PTPRD: variants seen among roughly 807,000 people sequenced by gnomAD.
PTPRD encodes the protein protein tyrosine phosphatase receptor type D.
A neutral mutation model predicts 214.5 loss-of-function variants in PTPRD; 34 were observed. That is an observed-to-expected ratio of 0.16 (90% CI 0.12 to 0.21). The LOEUF (loss-of-function observed/expected upper bound fraction) is 0.21, where lower values mean the gene tolerates loss of function less well. Among genes scored for constraint, PTPRD ranks in the 10% least tolerant of loss-of-function variants. The pLI is 1.00. For missense variants in PTPRD, 2,545 were observed against 2,398.7 expected, an observed-to-expected ratio of 1.06 and a Z score of -1.27; for synonymous variants, 1,128 against 845.7, an observed-to-expected ratio of 1.33 and a Z score of -5.79.
chr9:8,779,700 A>G (rs2095619372), intron 11 of PTPRD, among the ~76,000 whole-genome samples: 1 of 151,944 alleles, frequency 6.6e-6, no homozygotes, highest in African/African-American at 2.4e-5. Context: ...ACAAGCTTCT[A>G]TGCCTCAGGC....
At chr9:9,874,371 T>A (rs1328180203) in intron 5 of PTPRD, among the ~76,000 whole-genome samples, 7 of 152,112 alleles carry the variant, frequency 4.6e-5, no homozygotes, top group Admixed American at 4.6e-4. Context: ...ATCAACTACA[T>A]TACATGAGTG....
intron 3 of PTPRD, among the ~76,000 whole-genome samples, chr9:10,091,518 T>A (rs2098430423): frequency 6.6e-6 from 1 of 151,516 alleles, no homozygotes; most frequent in African/African-American, 2.4e-5. Flanking sequence ...AAAATAGAAA[T>A]TTTAAATATT....
intron 11 of PTPRD, among the ~76,000 whole-genome samples, chr9:8,895,830 C>T (rs112826717): frequency 7.2e-5 from 11 of 152,206 alleles, no homozygotes; most frequent in South Asian, 2.1e-4. Context: ...GCTAAAGCAA[C>T]GAGAAAACTA....
At chr9:10,237,972 G>A (rs10756011) in intron 3 of PTPRD, among the ~76,000 whole-genome samples, 111,593 of 151,578 alleles carry the variant, frequency 0.74, 42,097 homozygotes, top group East Asian at 0.89. Flanking sequence ...ATATTCAAAA[G>A]TAGGCATTTG....
intron 13 of PTPRD, among the ~76,000 whole-genome samples, chr9:8,633,714 T>C (rs1211471511): frequency 6.6e-6 from 1 of 152,124 alleles, no homozygotes; most frequent in Non-Finnish European, 1.5e-5. Flanking sequence ...CCAGGGTTTA[T>C]TCATTAAAAT....
chr9:8,715,817 A>C (rs1018467011), intron 12 of PTPRD, among the ~76,000 whole-genome samples: 1 of 152,258 alleles, frequency 6.6e-6, no homozygotes, highest in Non-Finnish European at 1.5e-5. Flanking sequence ...CAATTACAAC[A>C]AAATAGATAA....
intron 7 of PTPRD, among the ~76,000 whole-genome samples, chr9:9,722,308 A>C (rs1172279087): frequency 6.6e-6 from 1 of 152,102 alleles, no homozygotes; most frequent in Non-Finnish European, 1.5e-5. Context: ...TCAGGTAAAC[A>C]TAATAATAAA....
chr9:8,931,798 T>A (rs182164009), intron 11 of PTPRD, among the ~76,000 whole-genome samples: 2 of 152,136 alleles, frequency 1.3e-5, no homozygotes, highest in African/African-American at 2.4e-5. Context: ...TGGTCCTGGT[T>A]TTTTTTTGGT....
chr9:8,770,473 T>C (rs7848019), intron 11 of PTPRD, among the ~76,000 whole-genome samples: 81,335 of 151,818 alleles, frequency 0.54, 22,287 homozygotes, highest in South Asian at 0.61. Context: ...CAGCAATTCA[T>C]TTTTCTCTCA....
chr9:10,269,595 C>T (rs2094303400), intron 3 of PTPRD, among the ~76,000 whole-genome samples: 1 of 152,058 alleles, frequency 6.6e-6, no homozygotes, highest in African/African-American at 2.4e-5. Context: ...TGCTTAAAGG[C>T]AAGCAATGTG....
chr9:10,028,426 G>A (rs1413065958), intron 4 of PTPRD, among the ~76,000 whole-genome samples: 1 of 152,158 alleles, frequency 6.6e-6, no homozygotes, highest in East Asian at 1.9e-4. Context: ...ACAGGCAGAG[G>A]TTGCAACAGT....
intron 11 of PTPRD, among the ~76,000 whole-genome samples, chr9:8,864,142 A>C (rs1304651773): frequency 1.3e-5 from 2 of 152,118 alleles, no homozygotes; most frequent in Non-Finnish European, 2.9e-5. Flanking sequence ...AAGAAGGAAA[A>C]CTCTGTTTCT....
At chr9:9,923,989 T>G (rs1169253986) in intron 5 of PTPRD, among the ~76,000 whole-genome samples, 1 of 152,026 alleles carries the variant, frequency 6.6e-6, no homozygotes, top group Non-Finnish European at 1.5e-5. Context: ...ATTAAAATAT[T>G]TTCATTATTT....
intron 5 of PTPRD, among the ~76,000 whole-genome samples, chr9:9,794,543 A>G (rs1204422230): frequency 6.6e-6 from 1 of 152,054 alleles, no homozygotes; most frequent in Admixed American, 6.6e-5. Flanking sequence ...AGGGATACTG[A>G]ACGATAAGCT....
chr9:8,332,017 C>T (rs1166897553), intron 43 of PTPRD, among the ~76,000 whole-genome samples: 1 of 152,120 alleles, frequency 6.6e-6, no homozygotes, highest in Non-Finnish European at 1.5e-5. Context: ...TAGCCATCCA[C>T]ATAGTTCCCC....
intron 39 of PTPRD, among the ~76,000 whole-genome samples, chr9:8,353,040 G>C (rs2075950717): frequency 6.6e-6 from 1 of 151,172 alleles, no homozygotes; most frequent in South Asian, 2.1e-4. Flanking sequence ...GAACCCAGAA[G>C]GTGGAGGCTG....
intron 8 of PTPRD, among the ~76,000 whole-genome samples, chr9:9,421,376 ATT>A (rs1488664572): frequency 1.3e-5 from 2 of 152,068 alleles, no homozygotes; most frequent in African/African-American, 2.4e-5. Flanking sequence ...ATTCCAAATT[ATT>A]TCTCTCTCCC....
intron 10 of PTPRD, among the ~76,000 whole-genome samples, chr9:9,047,882 G>C (rs1021433927): frequency 3.9e-5 from 6 of 152,042 alleles, no homozygotes; most frequent in African/African-American, 1.4e-4. Flanking sequence ...GGACAAATTG[G>C]ATCACCTCAG....
chr9:10,026,051 G>C (rs775949766), intron 4 of PTPRD, among the ~76,000 whole-genome samples: 4 of 152,188 alleles, frequency 2.6e-5, no homozygotes, highest in Non-Finnish European at 5.9e-5. Context: ...AACCAGTGCT[G>C]CTCTAATATG....
Sources: gnomAD v4.1 joint callset for allele counts (sites outside exome capture counted in the v4.1 genomes callset) on GRCh38, gnomAD v4.1.1 for gene constraint, MANE v1.5 for transcripts, NCBI Gene and HGNC (gene_info 2026-07-23, HGNC 2026-07-21) for gene names.